DNAAF4: variants seen among roughly 807,000 people sequenced by gnomAD.
DNAAF4 encodes the protein dynein assembly factor 4, axonemal.
A neutral mutation model predicts 51.8 loss-of-function variants in DNAAF4; 43 were observed. That is an observed-to-expected ratio of 0.83 (90% confidence interval 0.65 to 1.07). DNAAF4 has a LOEUF of 1.07. DNAAF4 is among the 50% of genes least tolerant of loss of function. The pLI is 0.00. For missense variants in DNAAF4, 581 were observed against 493.0 expected (o/e 1.18, Z -1.69); for synonymous variants, 194 against 165.6 (o/e 1.17, Z -1.32).
At chr15:55,430,286 G>T, downstream of DNAAF4, 2 of 655,200 alleles carry the variant, frequency 3.1e-6, no homozygotes, top group Non-Finnish European at 3.8e-6. Context: ...TCAATTAAAT[G>T]GTATATTAAT....
At chr15:55,497,640 A>G in intron 3 of DNAAF4, 72 bp downstream of exon 3, 2 of 1,522,230 alleles carry the variant, frequency 1.3e-6, no homozygotes, top group South Asian at 1.3e-5. Context: ...AGGTGCTTCA[A>G]AATAAAATTT....
chr15:55,436,658 T>A (rs1472146533), intron 7 of DNAAF4, among the ~76,000 whole-genome samples: 2 of 152,132 alleles, frequency 1.3e-5, no homozygotes, highest in East Asian at 3.9e-4. Flanking sequence ...GTGCTGGGAT[T>A]ATAGGAGTGA....
At chr15:55,504,259 G>A (rs559417081) in intron 1 of DNAAF4, among the ~76,000 whole-genome samples, 3 of 152,164 alleles carry the variant, frequency 2.0e-5, no homozygotes, top group African/African-American at 7.2e-5. Flanking sequence ...ACACTGCTCA[G>A]TGAAATAAAA....
rs753437570 is a variant in DNAAF4 at position 55,439,541 on chromosome 15, G to A, written c.824C>T (p.Thr275Ile). 2 of 1,614,010 alleles carry A rather than the reference G, an allele frequency of 1.2e-6. No homozygotes were observed. The highest frequency in any genetic ancestry group is 1.7e-6 in the Non-Finnish European group (2 of 1,179,974). The stretch of plus-strand genomic sequence containing the variant: ...TAAATCGCAAAGTTCAGCTATGTCA[G>A]TATTCATTGCTCTTCGTGCCTCAGC... ...KQAEARRAMNTDIAELCDLKE... is the reference protein window; with the variant it reads ...KQAEARRAMNIDIAELCDLKE... Residue 275 changes from threonine (T) to isoleucine (I), a missense_variant, in exon 7 of 10, where the codon ACT becomes ATT. By Grantham distance (89) the Thr-to-Ile change is moderately conservative. Coordinates refer to ENST00000321149, the MANE Select transcript of DNAAF4 (RefSeq NM_130810.4).
At chr15:55,457,029 T>C (rs1488287494) in intron 5 of DNAAF4, among the ~76,000 whole-genome samples, 1 of 152,196 alleles carries the variant, frequency 6.6e-6, no homozygotes, top group Non-Finnish European at 1.5e-5. Flanking sequence ...TAAGCAGAAA[T>C]TGGTGGCAGA....
intron 4 of DNAAF4, among the ~76,000 whole-genome samples, chr15:55,479,674 C>T (rs892764837): frequency 3.3e-5 from 5 of 152,034 alleles, no homozygotes; most frequent in African/African-American, 9.7e-5. Context: ...AAATTCTTTT[C>T]CTAGCAAGGA....
intron 7 of DNAAF4, among the ~76,000 whole-genome samples, chr15:55,422,237 T>C (rs12324434): frequency 0.4 from 60,729 of 151,738 alleles, 13,406 homozygotes; most frequent in East Asian, 0.75. Flanking sequence ...TTACTTTAGG[T>C]AGGTGGAAAG....
At chr15:55,474,059 T>C (rs891758760) in intron 4 of DNAAF4, among the ~76,000 whole-genome samples, 1 of 152,140 alleles carries the variant, frequency 6.6e-6, no homozygotes, top group Non-Finnish European at 1.5e-5. Context: ...AAGGCAAGTA[T>C]ACCTAATGTT....
intron 7 of DNAAF4, among the ~76,000 whole-genome samples, chr15:55,419,919 C>T (rs1178396323): frequency 6.6e-6 from 1 of 152,076 alleles, no homozygotes; most frequent in Non-Finnish European, 1.5e-5. Context: ...AGGAGAATCA[C>T]TTGAACCTGG....
chr15:55,482,626 C>T (rs1282330558), intron 4 of DNAAF4, among the ~76,000 whole-genome samples: 3 of 152,144 alleles, frequency 2.0e-5, no homozygotes, highest in Non-Finnish European at 4.4e-5. Context: ...TTGCAGTGAG[C>T]TGAGATCATG....
intron 5 of DNAAF4, among the ~76,000 whole-genome samples, chr15:55,455,114 T>G (rs940610112): frequency 6.8e-6 from 1 of 147,472 alleles, no homozygotes; most frequent in Non-Finnish European, 1.5e-5. Flanking sequence ...TTATAGAAAC[T>G]GAATCTTTTT....
At position 55,456,945 on chromosome 15, in the gene DNAAF4, T is replaced by C. The variant is rs753238857; in HGVS notation, c.638-6578A>G. 1.1e-4 allele frequency among the ~76,000 whole-genome samples: 17 copies of C among 152,302 alleles called. 1 individual carries two copies. The highest frequency in any genetic ancestry group is 6.2e-4 in the South Asian group (3 of 4,826). ...GGAGACGGGAAGGCAGCCAGTGGAA[T>C]TGGGGCAGGACCACAGGGTGAAGGA... is the stretch of plus-strand genomic sequence containing the variant. On this transcript the variant is annotated intron_variant, in intron 5 of 9. Coordinates refer to ENST00000321149, the MANE Select transcript of DNAAF4 (RefSeq NM_130810.4).
intron 7 of DNAAF4, among the ~76,000 whole-genome samples, chr15:55,437,294 G>C (rs1251138328): frequency 6.6e-6 from 1 of 152,200 alleles, no homozygotes; most frequent in Non-Finnish European, 1.5e-5. Context: ...AAAGGAAGAA[G>C]AGAAAGAGGA....
rs1364674099 is a variant in DNAAF4, at chr15:55,430,664, T to C, written c.*6A>G. 10 of 1,610,638 alleles carry C rather than the reference T, an allele frequency of 6.2e-6. No homozygotes were observed. The highest frequency in any genetic ancestry group is 1.1e-5 in the South Asian group (1 of 90,660). Reference sequence around the variant, plus strand: ...TATAACAATACTTAGTTACTTCTAATAGTCATTAAGATTTTAGTTCTGTTC... The same window carrying C: ...TATAACAATACTTAGTTACTTCTAACAGTCATTAAGATTTTAGTTCTGTTC... On this transcript the variant is annotated 3_prime_UTR_variant, in exon 10 of 10. Coordinates refer to ENST00000321149, the MANE Select transcript of DNAAF4 (RefSeq NM_130810.4).
At chr15:55,459,915 G>T (rs1398988001) in intron 5 of DNAAF4, among the ~76,000 whole-genome samples, 2 of 151,924 alleles carry the variant, frequency 1.3e-5, no homozygotes, top group Non-Finnish European at 2.9e-5. Flanking sequence ...TGTTGGCCTG[G>T]CTGGTCTCAA....
chr15:55,462,393 C>T (rs1273028334), intron 5 of DNAAF4, among the ~76,000 whole-genome samples: 2 of 151,974 alleles, frequency 1.3e-5, no homozygotes, highest in Admixed American at 6.6e-5. Flanking sequence ...GGTTTCACCA[C>T]GTTGGGCAGG....
At chr15:55,489,010 A>T (rs1311164439) in intron 4 of DNAAF4, among the ~76,000 whole-genome samples, 1 of 151,812 alleles carries the variant, frequency 6.6e-6, no homozygotes, top group Non-Finnish European at 1.5e-5. Context: ...AATGGTGTGA[A>T]CCCAGGATGC....
At chr15:55,443,125 G>T (rs1241711564) in intron 6 of DNAAF4, 1 of 1,610,396 alleles carries the variant, frequency 6.2e-7, no homozygotes, top group Non-Finnish European at 8.5e-7. Context: ...TTTATATGAA[G>T]GCAAACGTTT....
intron 3 of DNAAF4, among the ~76,000 whole-genome samples, chr15:55,491,909 T>G (rs2141589025): frequency 1.3e-5 from 2 of 150,598 alleles, no homozygotes; most frequent in Middle Eastern, 7.0e-3. Flanking sequence ...GCTGCTGGAG[T>G]GCAGTTAAGC....
Sources: gnomAD v4.1 joint callset for allele counts (sites outside exome capture counted in the v4.1 genomes callset) on GRCh38, gnomAD v4.1.1 for gene constraint, MANE v1.5 for transcripts, NCBI Gene and HGNC (gene_info 2026-07-23, HGNC 2026-07-21) for gene names.